Variants in CHSY3 observed in about 807,000 individuals in gnomAD.
CHSY3 encodes N-acetylgalactosaminyl-proteoglycan 3-beta-glucuronosyltransferase 3.
In CHSY3, 35 loss-of-function variants were observed where a neutral mutation model predicts 67.2. That is an observed-to-expected ratio of 0.52 (90% CI 0.40 to 0.69). The LOEUF (loss-of-function observed/expected upper bound fraction) is 0.69, where lower values mean the gene tolerates loss of function less well. CHSY3 is among the 30% of genes least tolerant of loss of function. CHSY3 has a pLI of 0.00. For missense variants in CHSY3, 1,069 were observed against 1,138.5 expected, an observed-to-expected ratio of 0.94 and a Z score of 0.88; for synonymous variants, 474 against 434.7, an observed-to-expected ratio of 1.09 and a Z score of -1.12.
At chr5:129,996,012 C>G (rs1763528527) in intron 2 of CHSY3, among the ~76,000 whole-genome samples, 1 of 151,946 alleles carries the variant, frequency 6.6e-6, no homozygotes, top group South Asian at 2.1e-4. Context: ...GGCTTAGAAC[C>G]AAAAAGATAT....
chr5:130,074,926 T>G (rs531096414), intron 2 of CHSY3, among the ~76,000 whole-genome samples: 1 of 152,232 alleles, frequency 6.6e-6, no homozygotes, highest in South Asian at 2.1e-4. Flanking sequence ...GCCACATGAC[T>G]TCAGACAAGT....
At chr5:129,921,926 A>G (rs1434655057) in intron 2 of CHSY3, among the ~76,000 whole-genome samples, 2 of 152,114 alleles carry the variant, frequency 1.3e-5, no homozygotes, top group African/African-American at 4.8e-5. Flanking sequence ...GTGCTACCAA[A>G]TACTAGATCT....
chr5:130,059,388 C>CCTCT (rs368706513), intron 2 of CHSY3, among the ~76,000 whole-genome samples: 60 of 144,278 alleles, frequency 4.2e-4, no homozygotes, highest in Admixed American at 1.4e-3. Flanking sequence ...TCTCTCTCTA[C>CCTCT]CTCTCTCTCT....
intron 2 of CHSY3, among the ~76,000 whole-genome samples, chr5:129,920,479 C>T (rs1443779873): frequency 6.6e-6 from 1 of 152,128 alleles, no homozygotes; most frequent in African/African-American, 2.4e-5. Flanking sequence ...CTCCTGATCT[C>T]GTGATCCACC....
intron 2 of CHSY3, among the ~76,000 whole-genome samples, chr5:129,944,882 G>A (rs983478338): frequency 3.3e-5 from 5 of 152,084 alleles, no homozygotes; most frequent in African/African-American, 9.7e-5. Flanking sequence ...ATTTCACAAC[G>A]TATGTGTTAG....
At chr5:130,143,425 A>G (rs1367525172) in intron 2 of CHSY3, among the ~76,000 whole-genome samples, 1 of 152,056 alleles carries the variant, frequency 6.6e-6, no homozygotes, top group East Asian at 1.9e-4. Flanking sequence ...ACTGAAATAT[A>G]TGAATTTATA....
chr5:130,039,757 T>C (rs537264840), intron 2 of CHSY3, among the ~76,000 whole-genome samples: 13 of 152,154 alleles, frequency 8.5e-5, no homozygotes, highest in Admixed American at 7.9e-4. Context: ...AGATTACAAG[T>C]GTGAGCCACT....
intron 2 of CHSY3, among the ~76,000 whole-genome samples, chr5:129,958,678 A>C (rs1464821839): frequency 6.6e-6 from 1 of 152,092 alleles, no homozygotes; most frequent in African/African-American, 2.4e-5. Flanking sequence ...CTACAGGCAC[A>C]TGCCACCATG....
intron 2 of CHSY3, chr5:130,002,120 C>T (rs1763743875): frequency 4.2e-6 from 4 of 943,264 alleles, no homozygotes; most frequent in Non-Finnish European, 5.1e-6. Context: ...TTCTGTGTCT[C>T]TGTGTGTTGT....
chr5:129,956,396 T>G (rs1463981695), intron 2 of CHSY3, among the ~76,000 whole-genome samples: 1 of 152,200 alleles, frequency 6.6e-6, no homozygotes, highest in Non-Finnish European at 1.5e-5. Flanking sequence ...CACTTTTTAA[T>G]GGAGCTGTTG....
At chr5:130,116,016 T>G (rs1168638514) in intron 2 of CHSY3, among the ~76,000 whole-genome samples, 3 of 152,114 alleles carry the variant, frequency 2.0e-5, no homozygotes, top group Non-Finnish European at 4.4e-5. Flanking sequence ...TTCTTGTCAT[T>G]TTCATCCTCA....
chr5:129,924,619 C>T (rs1761035534), intron 2 of CHSY3, among the ~76,000 whole-genome samples: 1 of 149,580 alleles, frequency 6.7e-6, no homozygotes, highest in Admixed American at 6.7e-5. Context: ...GCACTCCATC[C>T]TGGTGACAGA....
chr5:130,133,154 C>A (rs944502036), intron 2 of CHSY3, among the ~76,000 whole-genome samples: 1 of 152,080 alleles, frequency 6.6e-6, no homozygotes, highest in Non-Finnish European at 1.5e-5. Context: ...ACAAAAAGTT[C>A]TCCATCATAG....
chr5:130,107,956 T>C (rs982067283), intron 2 of CHSY3, among the ~76,000 whole-genome samples: 2 of 151,738 alleles, frequency 1.3e-5, no homozygotes, highest in African/African-American at 2.4e-5. Context: ...GATAGAATCC[T>C]TCAGTATGTT....
At chr5:130,059,811 T>C (rs1410433412) in intron 2 of CHSY3, among the ~76,000 whole-genome samples, 1 of 152,180 alleles carries the variant, frequency 6.6e-6, no homozygotes, top group Admixed American at 6.6e-5. Context: ...ATAAAATTAA[T>C]TTTATTCACA....
intron 2 of CHSY3, among the ~76,000 whole-genome samples, chr5:130,167,701 A>G (rs1769788778): frequency 6.6e-6 from 1 of 152,160 alleles, no homozygotes; most frequent in African/African-American, 2.4e-5. Flanking sequence ...GTACAACTAA[A>G]GGTTACTCAT....
At chr5:129,932,140 A>ATATATATATATATG (rs1183646627) in intron 2 of CHSY3, among the ~76,000 whole-genome samples, 38 of 136,364 alleles carry the variant, frequency 2.8e-4, no homozygotes, top group African/African-American at 1.0e-3. Context: ...ATATATATAT[A>ATATATATATATATG]TATGTATATG....
chr5:130,185,746 G>T lies in CHSY3; in HGVS notation c.2604G>T (p.Trp868Cys). 3 of 1,610,552 alleles carry T rather than the reference G, an allele frequency of 1.9e-6. No homozygotes were observed. Among genetic ancestry groups the T allele is most frequent in the Non-Finnish European group, 2.5e-6 (3 of 1,177,674 alleles). Residue 868 changes from tryptophan to cysteine, a missense_variant, in exon 3 of 3, where the codon TGG (tryptophan) becomes TGT (cysteine). Physicochemically the swap from Trp to Cys is radical, Grantham distance 215. Around this residue, in one of 5 missense-constraint regions of CHSY3, gnomAD observed 139 missense variants for 152.8 expected, o/e 0.91. Coordinates refer to ENST00000305031, the MANE Select transcript of CHSY3 (RefSeq NM_175856.5). Reference sequence around the variant, plus strand: ...CAACCATGCAACTGGCTGAACTCTGGCTTGAAAAACATTTAGGTGTCAGGT... The same window carrying T: ...CAACCATGCAACTGGCTGAACTCTGTCTTGAAAAACATTTAGGTGTCAGGT... ...FASTMQLAEL[W>C]LEKHLGVRYN...
At position 130,088,923 on chromosome 5, in the gene CHSY3, G is replaced by A. The variant is rs373443209; in HGVS notation, c.1087-95306G>A. ...TGCTGCTATAAAGACACACGCACAC[G>A]TATGTTTATTGCGGCACTATTCACA... On this transcript the variant is annotated intron_variant, in intron 2 of 2. Coordinates refer to ENST00000305031, the MANE Select transcript of CHSY3 (RefSeq NM_175856.5). Among the ~76,000 whole-genome samples the A allele has an allele frequency of 2.0e-4, 30 of 152,012 alleles. No homozygotes were observed. In the East Asian group the frequency reaches 4.3e-3, roughly 22 times the overall value.
Sources: gnomAD v4.1 joint callset for allele counts (sites outside exome capture counted in the v4.1 genomes callset) on GRCh38, gnomAD v4.1.1 for gene constraint, gnomAD v4.1.1 regional missense constraint, MANE v1.5 for transcripts, NCBI Gene and HGNC (gene_info 2026-07-23, HGNC 2026-07-21) for gene names.